GPC6: variants seen among roughly 807,000 people sequenced by gnomAD.
GPC6 encodes glypican 6, also known as glypican-6.
In GPC6, 14 loss-of-function variants were observed where a neutral mutation model predicts 55.2. The ratio of observed to expected loss-of-function variants is 0.25; its 90% confidence interval spans 0.17 to 0.40. The LOEUF is 0.40. GPC6 is among the 10% of genes least tolerant of loss of function. GPC6 has a pLI of 1.00. For missense variants in GPC6, 641 were observed against 708.5 expected (o/e 0.90, Z 1.08); for synonymous variants, 278 against 259.6 (o/e 1.07, Z -0.68).
chr13:94,088,273 T>C (rs1007974), intron 4 of GPC6, among the ~76,000 whole-genome samples: 120,814 of 152,048 alleles, frequency 0.79, 48,305 homozygotes, highest in South Asian at 0.88. Context: ...TGATACATGG[T>C]AAATGCTAGG....
At chr13:93,861,649 C>T (rs573204783) in intron 3 of GPC6, among the ~76,000 whole-genome samples, 21 of 151,696 alleles carry the variant, frequency 1.4e-4, no homozygotes, top group East Asian at 5.9e-4. Context: ...GTTTACTCTG[C>T]GCTGTCTTTT....
chr13:94,347,263 AT>A (rs11363881), intron 6 of GPC6, among the ~76,000 whole-genome samples: 5,269 of 152,230 alleles, frequency 0.035, 171 homozygotes, highest in African/African-American at 0.084. Flanking sequence ...CATACCCAAA[AT>A]GGTCTTTTGG....
At chr13:93,622,797 A>G (rs1015818412) in intron 2 of GPC6, among the ~76,000 whole-genome samples, 3 of 152,160 alleles carry the variant, frequency 2.0e-5, no homozygotes, top group African/African-American at 7.2e-5. Flanking sequence ...TTTGAAATAT[A>G]CAATACCACA....
At chr13:93,670,303 T>A (rs1467159406) in intron 2 of GPC6, among the ~76,000 whole-genome samples, 16 of 152,206 alleles carry the variant, frequency 1.1e-4, no homozygotes, top group Admixed American at 1.0e-3. Context: ...GAAACCCTTA[T>A]GGGACTCAGA....
chr13:93,983,478 C>T (rs1458861742), intron 3 of GPC6, among the ~76,000 whole-genome samples: 2 of 151,574 alleles, frequency 1.3e-5, no homozygotes, highest in Non-Finnish European at 2.9e-5. Context: ...CTCTGTTGGT[C>T]AAGCTGGAGT....
intron 3 of GPC6, among the ~76,000 whole-genome samples, chr13:93,979,520 C>T (rs1312381086): frequency 6.6e-6 from 1 of 151,714 alleles, no homozygotes; most frequent in Non-Finnish European, 1.5e-5. Flanking sequence ...GTCTATAATT[C>T]AGACCATGCA....
chr13:94,303,177 A>G (rs1875750793), intron 5 of GPC6, among the ~76,000 whole-genome samples: 1 of 152,228 alleles, frequency 6.6e-6, no homozygotes, highest in South Asian at 2.1e-4. Flanking sequence ...GAGTGAAAAC[A>G]GAGCTGCCAT....
At chr13:93,859,631 G>A (rs868776381) in intron 3 of GPC6, among the ~76,000 whole-genome samples, 8 of 151,584 alleles carry the variant, frequency 5.3e-5, no homozygotes, top group Middle Eastern at 3.4e-3. Flanking sequence ...TTACGCATCA[G>A]TAGTTTTCCC....
At chr13:94,135,005 CAT>C (rs1887132197) in intron 4 of GPC6, among the ~76,000 whole-genome samples, 1 of 152,178 alleles carries the variant, frequency 6.6e-6, no homozygotes, top group East Asian at 1.9e-4. Context: ...GGCACTAACA[CAT>C]GTGACCTTCA....
In GPC6 at chr13:93,486,969, C is replaced by A. The variant is rs1336421784; in HGVS notation, c.161-58294C>A. On this transcript the variant is annotated intron_variant, in intron 1 of 8. Transcript: ENST00000377047. Reference sequence around the variant, plus strand: ...AAAAAAAAAAAAAACAAAAAAACCCCAAAAAACACAAAAAAACAAAAAAAC... The same window carrying A: ...AAAAAAAAAAAAAACAAAAAAACCCAAAAAAACACAAAAAAACAAAAAAAC... Among the ~76,000 whole-genome samples, 3 of 151,064 alleles carry A rather than the reference C, an allele frequency of 2.0e-5. No homozygotes were observed. The East Asian group carries it at 5.9e-4, about 30-fold the overall frequency.
At chr13:94,294,474 A>G (rs1011723218) in intron 5 of GPC6, among the ~76,000 whole-genome samples, 13 of 151,518 alleles carry the variant, frequency 8.6e-5, no homozygotes, top group African/African-American at 3.1e-4. Context: ...AGAACAGAAC[A>G]GAGAATGTAA....
At chr13:93,384,128 A>G (rs1489402500) in intron 1 of GPC6, among the ~76,000 whole-genome samples, 3 of 152,128 alleles carry the variant, frequency 2.0e-5, no homozygotes, top group African/African-American at 7.2e-5. Flanking sequence ...AAGTTAATTT[A>G]TGTGAAAAGT....
At chr13:93,444,752 A>G (rs1877939345) in intron 1 of GPC6, among the ~76,000 whole-genome samples, 1 of 152,226 alleles carries the variant, frequency 6.6e-6, no homozygotes, top group African/African-American at 2.4e-5. Flanking sequence ...TGAATATCAC[A>G]TTGTGGTTCT....
intron 1 of GPC6, among the ~76,000 whole-genome samples, chr13:93,258,666 C>T (rs1877034879): frequency 6.6e-6 from 1 of 152,138 alleles, no homozygotes; most frequent in Non-Finnish European, 1.5e-5. Flanking sequence ...GGGGTGGGTA[C>T]AATGGCTCAT....
At chr13:94,050,327 T>C (rs1460306333) in intron 4 of GPC6, among the ~76,000 whole-genome samples, 1 of 152,218 alleles carries the variant, frequency 6.6e-6, no homozygotes, top group Non-Finnish European at 1.5e-5. Flanking sequence ...TAACACTTCC[T>C]CTGCCTATCT....
At chr13:94,107,864 C>G (rs1402816683) in intron 4 of GPC6, among the ~76,000 whole-genome samples, 1 of 151,708 alleles carries the variant, frequency 6.6e-6, no homozygotes, top group Non-Finnish European at 1.5e-5. Context: ...GCAAGAATGG[C>G]CATAATAAAA....
intron 2 of GPC6, among the ~76,000 whole-genome samples, chr13:93,735,497 G>A (rs949861437): frequency 6.6e-5 from 10 of 150,858 alleles, no homozygotes; most frequent in Non-Finnish European, 1.3e-4. Context: ...CTCCAGCATC[G>A]GTGACAGAGC....
intron 1 of GPC6, among the ~76,000 whole-genome samples, chr13:93,428,651 G>T (rs1877242967): frequency 6.6e-6 from 1 of 152,164 alleles, no homozygotes; most frequent in Admixed American, 6.6e-5. Context: ...AATATGTTCT[G>T]CATTAGCACC....
At chr13:93,908,399 A>C (rs914427079) in intron 3 of GPC6, among the ~76,000 whole-genome samples, 1 of 152,350 alleles carries the variant, frequency 6.6e-6, no homozygotes, top group South Asian at 2.1e-4. Flanking sequence ...TATTTTGGAA[A>C]TGACAGGTCA....
Sources: gnomAD v4.1 joint callset for allele counts (sites outside exome capture counted in the v4.1 genomes callset) on GRCh38, gnomAD v4.1.1 for gene constraint, MANE v1.5 for transcripts, NCBI Gene and HGNC (gene_info 2026-07-23, HGNC 2026-07-21) for gene names.